The following CAND2 variants were observed in gnomAD, a reference collection of about 807,000 sequenced individuals.
CAND2 encodes the protein cullin associated and neddylation dissociated 2 (putative).
In CAND2, 62 loss-of-function variants were observed where a neutral mutation model predicts 98.9. The ratio of observed to expected loss-of-function variants is 0.63; its 90% CI spans 0.51 to 0.77. The LOEUF is 0.77. CAND2 is among the 30% of genes least tolerant of loss of function. CAND2 has a pLI of 0.00. For missense variants in CAND2, 1,501 were observed against 1,655.2 expected (o/e 0.91, Z 1.62); for synonymous variants, 770 against 731.9 (o/e 1.05, Z -0.84).
chr3:12,806,820 C>G (rs2061809917), intron 2 of CAND2, among the ~76,000 whole-genome samples: 1 of 152,174 alleles, frequency 6.6e-6, no homozygotes, highest in Admixed American at 6.5e-5. Context: ...GTGGCATTGC[C>G]AATGCTAACT....
rs888250385 is a variant in CAND2, at chr3:12,817,482, G to A, written c.2550G>A (p.Val850=). 1.2e-6 allele frequency: 2 copies of A among 1,613,562 alleles called. No individual in the cohort carries two copies. Among genetic ancestry groups the A allele is most frequent in the Non-Finnish European group, 8.5e-7 (1 of 1,179,894 alleles). ...TGGCATTCTTGTCGCTGGCTGAGGT[G>A]GGTCAGGTGGCTGGGCCAGGCCACC... ...KVLAFLSLAE[V]GQVAGPGHQR... Residue 850 remains valine, a synonymous_variant, in exon 10 of 15, where the codon GTG becomes GTA. Transcript: ENST00000456430.
chr3:12,825,175 C>T (rs1468980000), intron 11 of CAND2, among the ~76,000 whole-genome samples: 1 of 151,842 alleles, frequency 6.6e-6, no homozygotes. Context: ...AAGACAGTCC[C>T]ATAGCATAGG....
chr3:12,833,843 TCC>T lies in CAND2; in HGVS notation c.3575_3576del (p.Pro1192ArgfsTer20). 5.6e-6 allele frequency: 9 copies of T among 1,614,160 alleles called. No homozygotes were observed. Among genetic ancestry groups the T allele is most frequent in the Non-Finnish European group, 7.6e-6 (9 of 1,180,016 alleles). ...AGGGCAGTGGCTGCCCTGCTGACCA[TCC>T]CCGAGGTGGGGAAAAGCCCCATCAT... On this transcript the variant is annotated frameshift_variant, in exon 15 of 15. Transcript: ENST00000456430. LOFTEE classifies it high-confidence loss of function.
In CAND2 at chr3:12,827,038, A is replaced by G. The variant is rs377497097; in HGVS notation, c.3211-402A>G. 5.9e-5 allele frequency among the ~76,000 whole-genome samples: 9 copies of G among 152,062 alleles called. No individual in the cohort carries two copies. The East Asian group carries it at 9.7e-4, about 16-fold the overall frequency. On this transcript the variant is annotated intron_variant, in intron 12 of 14. Transcript: ENST00000456430. The stretch of plus-strand genomic sequence containing the variant: ...AGTAGAGGTGAAGTTTCGCCATGTT[A>G]GCCAGGATGGCCTCAATCTCCTGAC...
Position 12,810,097 on chromosome 3 carries a change from T to TA in CAND2, c.530_531insA (p.His178AlafsTer39), listed in dbSNP as rs1256346356. The TA allele has an allele frequency of 6.7e-7, 1 of 1,498,316 alleles. No homozygotes were observed. Among genetic ancestry groups the TA allele is most frequent in the Non-Finnish European group, 8.9e-7 (1 of 1,126,584 alleles). The allele number at this position is 1,498,316 out of a possible 1,614,324, so 92.8% of individuals were successfully genotyped here. On this transcript the variant is annotated frameshift_variant, in exon 5 of 15. Transcript: ENST00000456430. LOFTEE classifies it high-confidence loss of function. ...CTGGGCGCCTTCCACGCCAGCCTCC[T>TA]GCACTGTCTGCTGCCACAGCTGAGC... is the stretch of plus-strand genomic sequence containing the variant.
At chr3:12,798,850 G>C (rs1298522963) in intron 1 of CAND2, among the ~76,000 whole-genome samples, 3 of 152,164 alleles carry the variant, frequency 2.0e-5, no homozygotes, top group Non-Finnish European at 4.4e-5. Context: ...GTGTGGCCAA[G>C]GGTTTCAGCT....
At position 12,810,342 on chromosome 3, in the gene CAND2, G is replaced by A. The variant is rs138042042; in HGVS notation, c.757+18G>A. 33,272 of 1,426,042 alleles carry A rather than the reference G, an allele frequency of 0.023. 450 individuals carry two copies. Among genetic ancestry groups the A allele is most frequent in the Non-Finnish European group, 0.027 (29,399 of 1,091,784 alleles). 88.3% of individuals were successfully genotyped at this position (1,426,042 alleles called of 1,614,324 possible). On this transcript the variant is annotated intron_variant, in intron 5 of 14. Transcript: ENST00000456430. ...CCGCCTCGGTAAGGGGGCAGGGGGC[G>A]GGGCCTGGGCTGGCATGGTGGGCGG...
Position 12,834,092 on chromosome 3 carries a change from A to G in CAND2, c.*110A>G, listed in dbSNP as rs1308422157. 1.2e-5 allele frequency: 10 copies of G among 867,892 alleles called. No homozygotes were observed. Among genetic ancestry groups the G allele is most frequent in the Non-Finnish European group, 1.8e-5 (10 of 549,938 alleles). 53.8% of individuals were successfully genotyped at this position (867,892 alleles called of 1,614,324 possible). ...TCTACTTTTGCCCTTCCACCATCTC[A>G]CTGGGGGCCCTGTCGCTCCTGGTCA... On this transcript the variant is annotated 3_prime_UTR_variant, in exon 15 of 15. Transcript: ENST00000456430.
rs766221237 is a variant in CAND2 at position 12,827,650 on chromosome 3, G to A, written c.3375+46G>A. 7.1e-6 allele frequency: 11 copies of A among 1,544,234 alleles called. No homozygotes were observed. The Admixed American group carries it at 7.4e-5, about 10-fold the overall frequency. ...AGATCTATGTGCCCCTGTACCAAGG[G>A]ATAGTCGGGCACCATTGGGGCCATG... On this transcript the variant is annotated intron_variant, in intron 13 of 14. Coordinates refer to ENST00000456430, the MANE Select transcript of CAND2 (RefSeq NM_001162499.2).
chr3:12,812,864 A>G (rs368973719), intron 5 of CAND2, 126 bp from the exon 6 acceptor site: 40 of 644,944 alleles, frequency 6.2e-5, no homozygotes, highest in Middle Eastern at 4.1e-4. Flanking sequence ...TTGCTTGACT[A>G]TGAAACCTCT....
At chr3:12,824,652 T>C (rs1282035076) in intron 11 of CAND2, among the ~76,000 whole-genome samples, 1 of 152,206 alleles carries the variant, frequency 6.6e-6, no homozygotes, top group African/African-American at 2.4e-5. Context: ...CTCATGCCTG[T>C]AATCTCGGCA....
rs1353415225 is a variant in CAND2, at chr3:12,817,880, G to T, written c.2944+4G>T. On this transcript the variant is annotated splice_donor_region_variant and intron_variant, in intron 10 of 14. Transcript: ENST00000456430. ...TTGCGGAAGCAGCTTGCTGCAGGTAGGCACACAGGTGTGGGCAAGGCAGCC... is the reference window on the plus strand; with the variant it reads ...TTGCGGAAGCAGCTTGCTGCAGGTATGCACACAGGTGTGGGCAAGGCAGCC... 2 of 1,504,872 alleles carry T rather than the reference G, an allele frequency of 1.3e-6. No homozygotes were observed. The highest frequency in any genetic ancestry group is 2.3e-5 in the Admixed American group (1 of 42,798). The allele number at this position is 1,504,872 out of a possible 1,614,324, so 93.2% of individuals were successfully genotyped here.
At chr3:12,814,992 G>A in intron 7 of CAND2, 149 bp from the exon 8 acceptor site, 2 of 718,556 alleles carry the variant, frequency 2.8e-6, no homozygotes, top group East Asian at 2.7e-5. Flanking sequence ...TAAAAGGTAG[G>A]GAATGTTCCC....
intron 12 of CAND2, 64 bp from the exon 13 acceptor site, chr3:12,827,376 C>T (rs925000546): frequency 6.8e-7 from 1 of 1,474,932 alleles, no homozygotes; most frequent in African/African-American, 1.4e-5. Context: ...GGGTTTGTAG[C>T]AGAAGCTAGA....
At position 12,816,998 on chromosome 3, in the gene CAND2, C is replaced by A. The variant is rs762319125; in HGVS notation, c.2066C>A (p.Pro689Gln). Residue 689 changes from proline (P) to glutamine (Q), a missense_variant, in exon 10 of 15, where the codon CCG (proline) becomes CAG (glutamine). This residue lies in a region of CAND2 where 1,427 missense variants were observed against 1,545.3 expected (regional missense o/e 0.92). Transcript: ENST00000456430. Reference protein sequence around the residue: ...LAQSQGLSLPPSAVQAVLAEL... With the variant: ...LAQSQGLSLPQSAVQAVLAEL... Reference sequence around the variant, plus strand: ...CAGAGCCAGGGCCTCAGCCTCCCACCGTCTGCCGTGCAGGCCGTGCTGGCT... The same window carrying A: ...CAGAGCCAGGGCCTCAGCCTCCCACAGTCTGCCGTGCAGGCCGTGCTGGCT... 1.2e-6 allele frequency: 2 copies of A among 1,613,094 alleles called. No homozygotes were observed. The highest frequency in any genetic ancestry group is 3.3e-5 in the Admixed American group (2 of 60,006).
At chr3:12,801,691 C>T (rs922254686) in intron 1 of CAND2, among the ~76,000 whole-genome samples, 2 of 152,198 alleles carry the variant, frequency 1.3e-5, no homozygotes, top group Admixed American at 6.5e-5. Context: ...CAGCTATTGG[C>T]GCTGGTCTCC....
At chr3:12,831,248 T>C (rs1425670881) in intron 13 of CAND2, among the ~76,000 whole-genome samples, 1 of 152,070 alleles carries the variant, frequency 6.6e-6, no homozygotes, top group African/African-American at 2.4e-5. Context: ...CCCTGGTGCT[T>C]TTCTGATCCT....
rs370216436 is a variant in CAND2 at position 12,817,859 on chromosome 3, G to A, written c.2927G>A (p.Arg976Gln). The A allele has an allele frequency of 1.2e-5, 18 of 1,505,912 alleles. No individual in the cohort carries two copies. Among genetic ancestry groups the A allele is most frequent in the Middle Eastern group, 1.8e-4 (1 of 5,586 alleles). 93.3% of individuals were successfully genotyped at this position (1,505,912 alleles called of 1,614,324 possible). The change falls in exon 10 of 15, where the codon CGG becomes CAG. Residue 976 changes from arginine (R) to glutamine (Q), a missense_variant. This residue lies in a region of CAND2 where 1,427 missense variants were observed against 1,545.3 expected (regional missense o/e 0.92). Coordinates refer to ENST00000456430, the MANE Select transcript of CAND2 (RefSeq NM_001162499.2). ...VNPSFLLPRL[R>Q]KQLAAGRPHT... ...CCTTCGTTCCTTCTGCCCCGCTTGC[G>A]GAAGCAGCTTGCTGCAGGTAGGCAC...
Position 12,801,692 on chromosome 3 carries a change from G to A in CAND2, c.69-1796G>A, listed in dbSNP as rs148408623. Among the ~76,000 whole-genome samples the A allele has an allele frequency of 3.4e-3, 523 of 152,294 alleles. 4 individuals are homozygous for A. Among genetic ancestry groups the A allele is most frequent in the African/African-American group, 0.012 (502 of 41,568 alleles). Reference sequence around the variant, plus strand: ...GTCAGTGAGCCAGTCAGCTATTGGCGCTGGTCTCCAAAATATGCCCATGCC... The same window carrying A: ...GTCAGTGAGCCAGTCAGCTATTGGCACTGGTCTCCAAAATATGCCCATGCC... On this transcript the variant is annotated intron_variant, in intron 1 of 14. Coordinates refer to ENST00000456430, the MANE Select transcript of CAND2 (RefSeq NM_001162499.2).
Sources: gnomAD v4.1 joint callset for allele counts (sites outside exome capture counted in the v4.1 genomes callset) on GRCh38, gnomAD v4.1.1 for gene constraint, gnomAD v4.1.1 regional missense constraint, MANE v1.5 for transcripts, NCBI Gene and HGNC (gene_info 2026-07-23, HGNC 2026-07-21) for gene names.